Variants in FBXL17 observed in about 807,000 individuals in gnomAD.
FBXL17 encodes the protein F-box and leucine rich repeat protein 17, also known as F-box/LRR-repeat protein 17.
FBXL17 carries 22 observed loss-of-function variants against 66.2 expected under a neutral mutation model. That is an observed-to-expected ratio of 0.33 (90% CI 0.24 to 0.47). The LOEUF is 0.47. Among genes scored for constraint, FBXL17 ranks in the 20% least tolerant of loss-of-function variants. FBXL17 has a pLI of 1.00. For synonymous variants in FBXL17, 474 were observed against 400.5 expected (o/e 1.18, Z -2.19); for missense variants, 878 against 948.2 (o/e 0.93, Z 0.97).
intron 6 of FBXL17, among the ~76,000 whole-genome samples, chr5:108,050,584 G>A (rs564930940): frequency 9.9e-5 from 15 of 151,986 alleles, no homozygotes; most frequent in South Asian, 2.1e-4. Flanking sequence ...AGCACTAAAC[G>A]CCCACATCAG....
rs905303105 is a variant in FBXL17 at position 108,223,779 on chromosome 5, T to C, written c.1614+342A>G. On this transcript the variant is annotated intron_variant, in intron 5 of 8. Transcript: ENST00000542267. ...ACCATATTCACTTTTTAAAGCCAAA[T>C]ACTCATAAGATCTAGTGATATATGA... Among the ~76,000 whole-genome samples, 17 of 151,704 alleles carry C rather than the reference T, an allele frequency of 1.1e-4. No individual in the cohort carries two copies. In the South Asian group the frequency reaches 2.5e-3, roughly 22 times the overall value.
chr5:107,894,053 G>A (rs1749293542), intron 7 of FBXL17, among the ~76,000 whole-genome samples: 1 of 152,160 alleles, frequency 6.6e-6, no homozygotes, highest in Non-Finnish European at 1.5e-5. Flanking sequence ...TTTTTCCCTA[G>A]GAGTTGATAT....
chr5:108,300,480 A>G (rs1290289598), intron 4 of FBXL17, among the ~76,000 whole-genome samples: 1 of 151,928 alleles, frequency 6.6e-6, no homozygotes, highest in Non-Finnish European at 1.5e-5. Flanking sequence ...GAATCAAATT[A>G]TCTATGGTAT....
chr5:108,210,855 C>A (rs547890101), intron 5 of FBXL17, among the ~76,000 whole-genome samples: 1 of 152,024 alleles, frequency 6.6e-6, no homozygotes, highest in Non-Finnish European at 1.5e-5. Flanking sequence ...AGTTCAAGTT[C>A]TGAGTATCCT....
chr5:108,020,995 C>T lies in FBXL17; in HGVS notation c.1752G>A (p.Val584=). 1 of 1,609,586 alleles carries T rather than the reference C, an allele frequency of 6.2e-7. No homozygotes were observed. The highest frequency in any genetic ancestry group is 8.5e-7 in the Non-Finnish European group (1 of 1,176,642). Residue 584 remains valine (V), a synonymous_variant, in exon 7 of 9, where the codon GTG becomes GTA. Coordinates refer to ENST00000542267, the MANE Select transcript of FBXL17 (RefSeq NM_001163315.3). ...TTTGTCCTTCCTTTGCAATGACCTC[C>T]ACACACCTGAAACATACAAAAAGTG... ...CLNWIINDRC[V]EVIAKEGQNL...
At chr5:107,957,272 A>G (rs1273361446) in intron 7 of FBXL17, among the ~76,000 whole-genome samples, 1 of 152,132 alleles carries the variant, frequency 6.6e-6, no homozygotes, top group East Asian at 1.9e-4. Flanking sequence ...TGTAAACGAC[A>G]TCTGGTTCCA....
At chr5:108,268,752 T>G (rs1757146015) in intron 4 of FBXL17, among the ~76,000 whole-genome samples, 1 of 152,136 alleles carries the variant, frequency 6.6e-6, no homozygotes, top group Admixed American at 6.5e-5. Flanking sequence ...GACTTTAAAA[T>G]GGACTATATG....
chr5:108,096,440 T>C (rs1203404947), intron 6 of FBXL17, among the ~76,000 whole-genome samples: 2 of 152,140 alleles, frequency 1.3e-5, no homozygotes, highest in African/African-American at 2.4e-5. Context: ...ACCAAACGTA[T>C]GGAAGATGCC....
intron 6 of FBXL17, among the ~76,000 whole-genome samples, chr5:108,047,907 C>T (rs961426984): frequency 6.6e-6 from 1 of 152,202 alleles, no homozygotes; most frequent in Non-Finnish European, 1.5e-5. Flanking sequence ...AATGGGGTTC[C>T]CCCCAGCGAA....
At chr5:107,935,407 A>ACATG (rs1554050116) in intron 7 of FBXL17, among the ~76,000 whole-genome samples, 1 of 31,154 alleles carries the variant, frequency 3.2e-5, no homozygotes, top group South Asian at 7.2e-4. Flanking sequence ...CTTTATATAT[A>ACATG]TATATGTGTG....
At chr5:108,087,189 T>C (rs1749007473) in intron 6 of FBXL17, among the ~76,000 whole-genome samples, 1 of 152,192 alleles carries the variant, frequency 6.6e-6, no homozygotes. Flanking sequence ...ACTTGGTAAG[T>C]GCGAGTTGTT....
chr5:108,091,017 C>T (rs1343646273), intron 6 of FBXL17, among the ~76,000 whole-genome samples: 3 of 152,100 alleles, frequency 2.0e-5, no homozygotes, highest in Non-Finnish European at 4.4e-5. Context: ...GTTGGGTGTG[C>T]GTGGGGGTGC....
At chr5:108,223,228 A>G (rs1754949461) in intron 5 of FBXL17, among the ~76,000 whole-genome samples, 1 of 152,154 alleles carries the variant, frequency 6.6e-6, no homozygotes. Flanking sequence ...GAAAGACATT[A>G]TTTCCCATTA....
chr5:108,187,450 A>C lies in FBXL17; in HGVS notation c.1615-1203T>G, dbSNP rs539780673. Among the ~76,000 whole-genome samples, 35 of 152,336 alleles carry C rather than the reference A, an allele frequency of 2.3e-4. 1 individual carries two copies. The highest frequency in any genetic ancestry group is 4.4e-4 in the Non-Finnish European group (30 of 68,030). Reference sequence around the variant, plus strand: ...TGGGGAGATTATCCCAGGTTATCTGAGTAGTCCCAGTGTAATCACTGGAGA... The same window carrying C: ...TGGGGAGATTATCCCAGGTTATCTGCGTAGTCCCAGTGTAATCACTGGAGA... On this transcript the variant is annotated intron_variant, in intron 5 of 8. Transcript: ENST00000542267.
At chr5:107,935,058 G>A (rs1454682721) in intron 7 of FBXL17, among the ~76,000 whole-genome samples, 1 of 151,484 alleles carries the variant, frequency 6.6e-6, no homozygotes, top group African/African-American at 2.4e-5. Context: ...TCAACAAGAT[G>A]GTATCTTTTG....
intron 6 of FBXL17, among the ~76,000 whole-genome samples, chr5:108,114,399 T>C (rs1750160901): frequency 6.6e-6 from 1 of 151,750 alleles, no homozygotes; most frequent in African/African-American, 2.4e-5. Context: ...ATCATTTATA[T>C]TGAGTGTTAT....
At chr5:108,051,303 C>T (rs112902939) in intron 6 of FBXL17, among the ~76,000 whole-genome samples, 2 of 152,294 alleles carry the variant, frequency 1.3e-5, no homozygotes, top group African/African-American at 4.8e-5. Context: ...AACTTCACAC[C>T]CATATCCCTG....
intron 5 of FBXL17, among the ~76,000 whole-genome samples, chr5:108,217,481 C>G (rs948962953): frequency 1.3e-5 from 2 of 152,000 alleles, no homozygotes; most frequent in Non-Finnish European, 2.9e-5. Flanking sequence ...TCAATTTCAT[C>G]TATCTTATCA....
At chr5:107,902,029 G>C (rs1218790122) in intron 7 of FBXL17, among the ~76,000 whole-genome samples, 2 of 152,154 alleles carry the variant, frequency 1.3e-5, no homozygotes, top group African/African-American at 2.4e-5. Context: ...TTAACTGCTA[G>C]CAACCAAAAC....
Sources: allele counts gnomAD v4.1 joint callset (sites outside exome capture counted in the v4.1 genomes callset), GRCh38; gene constraint gnomAD v4.1.1; transcripts MANE v1.5; gene names NCBI Gene and HGNC (gene_info 2026-07-23, HGNC 2026-07-21).